The following AIDA variants were observed in gnomAD, a reference collection of about 807,000 sequenced individuals.
AIDA encodes the protein axin interactor, dorsalization-associated protein.
AIDA carries 18 observed loss-of-function variants against 42.7 expected under a neutral mutation model. That is an observed-to-expected ratio of 0.42 (90% CI 0.29 to 0.63). The LOEUF (loss-of-function observed/expected upper bound fraction) is 0.63. Ranked by LOEUF, AIDA falls within the 20% of genes least tolerant of loss-of-function variation. AIDA has a pLI of 0.19. For synonymous variants in AIDA, 104 were observed against 122.9 expected, an observed-to-expected ratio of 0.85 and a Z score of 1.02; for missense variants, 250 against 354.1, an observed-to-expected ratio of 0.71 and a Z score of 2.36.
chr1:222,703,363 C>CA (rs878866931), intron 1 of AIDA, 146 bp from the exon 2 acceptor site: 76,666 of 352,126 alleles, frequency 0.22, 2 homozygotes, highest in East Asian at 0.3. Context: ...AAATTCTTCT[C>CA]AAAAAAAAAA....
intron 1 of AIDA, among the ~76,000 whole-genome samples, chr1:222,703,740 T>C (rs1655771065): frequency 6.6e-6 from 1 of 152,064 alleles, no homozygotes; most frequent in Non-Finnish European, 1.5e-5. Context: ...TAAAGCAAAT[T>C]CTCCACCAAT....
intron 1 of AIDA, among the ~76,000 whole-genome samples, chr1:222,708,750 A>C (rs771199165): frequency 1.3e-5 from 2 of 152,096 alleles, no homozygotes; most frequent in Non-Finnish European, 2.9e-5. Flanking sequence ...TCTGAGCAAC[A>C]GTTTCTGTGC....
intron 4 of AIDA, 117 bp downstream of exon 4, chr1:222,693,672 T>C (rs1655435632): frequency 3.8e-6 from 3 of 793,208 alleles, no homozygotes; most frequent in Middle Eastern, 4.2e-4. Flanking sequence ...AAAAATCACA[T>C]AGGACTAGAT....
intron 1 of AIDA, among the ~76,000 whole-genome samples, chr1:222,703,517 A>C (rs916829941): frequency 1.3e-5 from 2 of 152,198 alleles, no homozygotes; most frequent in African/African-American, 4.8e-5. Context: ...AGTATGCATG[A>C]CTTTCTTCTA....
At position 222,669,629 on chromosome 1, in the gene AIDA, A is replaced by T; in HGVS notation, c.*264T>A. 2.9e-6 allele frequency: 1 copy of T among 350,512 alleles called. No homozygotes were observed. The highest frequency in any genetic ancestry group is 5.3e-6 in the Non-Finnish European group (1 of 189,648). The allele number at this position is 350,512 out of a possible 1,614,324, so 21.7% of individuals were successfully genotyped here. A position where few individuals can be genotyped will look rare whatever the true frequency, so the allele number is the denominator to read the frequency against. Reference sequence around the variant, plus strand: ...TAGGAGTAGTGGTAAATTAGAAAATAGACTATTAATTGCACAATTAATAGA... The same window carrying T: ...TAGGAGTAGTGGTAAATTAGAAAATTGACTATTAATTGCACAATTAATAGA... On this transcript the variant is annotated 3_prime_UTR_variant, in exon 10 of 10. Coordinates refer to ENST00000340020, the MANE Select transcript of AIDA (RefSeq NM_022831.4).
At chr1:222,694,378 T>G in intron 2 of AIDA, 115 bp from the exon 3 acceptor site, 1 of 932,034 alleles carries the variant, frequency 1.1e-6, no homozygotes, top group Non-Finnish European at 1.7e-6. Flanking sequence ...AAGTTAAATT[T>G]TATTTCTTTC....
intron 4 of AIDA, among the ~76,000 whole-genome samples, chr1:222,692,347 T>G (rs1655395728): frequency 6.6e-6 from 1 of 152,264 alleles, no homozygotes; most frequent in Non-Finnish European, 1.5e-5. Context: ...GTAAAAACTC[T>G]GCACTCCTAG....
chr1:222,703,981 A>C (rs565301438), intron 1 of AIDA, among the ~76,000 whole-genome samples: 1 of 152,350 alleles, frequency 6.6e-6, no homozygotes, highest in South Asian at 2.1e-4. Context: ...ATTTTGGACA[A>C]AGGATTTGAA....
chr1:222,673,602 C>T (rs1664489256), intron 7 of AIDA, among the ~76,000 whole-genome samples, 167 bp from the exon 8 acceptor site: 1 of 151,642 alleles, frequency 6.6e-6, no homozygotes, highest in East Asian at 1.9e-4. Context: ...TGGTGAAACC[C>T]CGTCTCTACT....
chr1:222,693,442 T>C (rs1261238065), intron 4 of AIDA, among the ~76,000 whole-genome samples: 2 of 152,304 alleles, frequency 1.3e-5, no homozygotes, highest in African/African-American at 4.8e-5. Flanking sequence ...TAGTTTTCAA[T>C]GACATGTAGT....
At chr1:222,682,629 C>A (rs1664673935) in intron 6 of AIDA, among the ~76,000 whole-genome samples, 2 of 152,034 alleles carry the variant, frequency 1.3e-5, no homozygotes, top group Non-Finnish European at 2.9e-5. Context: ...TAGTTTCCAC[C>A]ATTTTTAACT....
intron 6 of AIDA, among the ~76,000 whole-genome samples, chr1:222,686,446 A>G (rs947978599): frequency 7.2e-5 from 11 of 152,216 alleles, no homozygotes; most frequent in South Asian, 4.1e-4. Context: ...TCAGTCCCCA[A>G]TAAAAGCTTT....
rs1270233950 is a variant in AIDA at position 222,689,479 on chromosome 1, GTGTATATATATATATATATATATATA to G, written c.290-1847_290-1822del. Among the ~76,000 whole-genome samples the G allele has an allele frequency of 4.6e-4, 21 of 45,242 alleles. 1 individual carries two copies. The highest frequency in any genetic ancestry group is 1.5e-3 in the African/African-American group (19 of 12,736). The allele number at this position is 45,242 out of a possible 152,430, so 29.7% of individuals were successfully genotyped here. A position where few individuals can be genotyped will look rare whatever the true frequency, so the allele number is the denominator to read the frequency against. On this transcript the variant is annotated intron_variant, in intron 4 of 9. Coordinates refer to ENST00000340020, the MANE Select transcript of AIDA (RefSeq NM_022831.4). ...AAAAAGAAAATATGTATGTGTGTGT[GTGTATATATATATATATATATATATA>G]TATATATATATATATACACACATAC...
chr1:222,700,054 G>A (rs1439095105), intron 2 of AIDA, among the ~76,000 whole-genome samples: 4 of 152,036 alleles, frequency 2.6e-5, no homozygotes, highest in Non-Finnish European at 5.9e-5. Flanking sequence ...CACCGCGTCC[G>A]GCTAAGAAAA....
At chr1:222,685,733 A>C (rs1275052961) in intron 6 of AIDA, among the ~76,000 whole-genome samples, 1 of 152,224 alleles carries the variant, frequency 6.6e-6, no homozygotes, top group Non-Finnish European at 1.5e-5. Context: ...GAAGATACTC[A>C]TGGAGAGCTT....
At chr1:222,701,971 A>C (rs1571940751) in intron 2 of AIDA, among the ~76,000 whole-genome samples, 1 of 151,208 alleles carries the variant, frequency 6.6e-6, no homozygotes, top group African/African-American at 2.4e-5. Context: ...TGATCTGCCC[A>C]CCTCGGCCTC....
chr1:222,689,317 G>A (rs1422457287), intron 4 of AIDA, among the ~76,000 whole-genome samples: 1 of 150,740 alleles, frequency 6.6e-6, no homozygotes, highest in African/African-American at 2.4e-5. Flanking sequence ...GCACACGCCT[G>A]TAATTCCAGC....
At chr1:222,678,928 T>C (rs1170552436) in intron 6 of AIDA, among the ~76,000 whole-genome samples, 4 of 152,234 alleles carry the variant, frequency 2.6e-5, no homozygotes, top group African/African-American at 4.8e-5. Context: ...TGTACTTTTT[T>C]TGGCTCTGTC....
At chr1:222,709,003 G>C (rs1247106209) in intron 1 of AIDA, among the ~76,000 whole-genome samples, 1 of 151,996 alleles carries the variant, frequency 6.6e-6, no homozygotes, top group East Asian at 1.9e-4. Flanking sequence ...TACTACTCTG[G>C]ACACTAAGTA....
Sources: gnomAD v4.1 joint callset for allele counts (sites outside exome capture counted in the v4.1 genomes callset) on GRCh38, gnomAD v4.1.1 for gene constraint, MANE v1.5 for transcripts, NCBI Gene and HGNC (gene_info 2026-07-23, HGNC 2026-07-21) for gene names.